The following MATN2 variants were observed in gnomAD, a reference collection of about 807,000 sequenced individuals.
MATN2 encodes matrilin 2, also known as matrilin-2.
A neutral mutation model predicts 103.2 loss-of-function variants in MATN2; 69 were observed. The ratio of observed to expected loss-of-function variants is 0.67; its 90% confidence interval spans 0.55 to 0.82. The LOEUF is 0.82. MATN2 is among the 40% of genes least tolerant of loss of function. The probability of loss-of-function intolerance (pLI) is 0.00; values close to 1 mark genes in which losing one functional copy is unlikely to be tolerated. For synonymous variants in MATN2, 429 were observed against 450.2 expected (o/e 0.95, Z 0.60); for missense variants, 1,023 against 1,211.5 (o/e 0.84, Z 2.31).
At position 98,033,108 on chromosome 8, in the gene MATN2, G is replaced by C; in HGVS notation, c.2648G>C (p.Arg883Thr). 1.9e-6 allele frequency: 3 copies of C among 1,611,696 alleles called. No individual in the cohort carries two copies. The highest frequency in any genetic ancestry group is 2.5e-6 in the Non-Finnish European group (3 of 1,178,820). The part of the protein sequence containing the change: ...LSCSNFAVQH[R>T]YLFEEDNLLR... ...TGTTCTAATTTTGCAGTGCAACACA[G>C]ATATCTGTTTGAAGAAGACAATCTT... The change falls in exon 17 of 19, where the codon AGA becomes ACA. Residue 883 changes from arginine to threonine, a missense_variant. Transcript: ENST00000254898.
chr8:97,965,522 G>A (rs974493581), intron 5 of MATN2, among the ~76,000 whole-genome samples: 11 of 152,134 alleles, frequency 7.2e-5, no homozygotes, highest in Admixed American at 2.0e-4. Flanking sequence ...TGTACATAAA[G>A]GGAACAAGGA....
At chr8:97,889,459 C>CTCTATATATATATATATA (rs1818554246) in intron 2 of MATN2, among the ~76,000 whole-genome samples, 1 of 123,366 alleles carries the variant, frequency 8.1e-6, no homozygotes, top group Non-Finnish European at 1.7e-5. Context: ...CTCTCTCTGT[C>CTCTATATATATATATATA]TATATATATA....
intron 6 of MATN2, among the ~76,000 whole-genome samples, chr8:97,986,665 C>A (rs1447798532): frequency 6.6e-6 from 1 of 152,168 alleles, no homozygotes; most frequent in Non-Finnish European, 1.5e-5. Flanking sequence ...ACTGTATTTT[C>A]TTTATCCACT....
intron 5 of MATN2, among the ~76,000 whole-genome samples, chr8:97,976,741 T>C (rs1303764534): frequency 6.7e-6 from 1 of 149,350 alleles, no homozygotes; most frequent in Non-Finnish European, 1.5e-5. Flanking sequence ...TCCAAAAACT[T>C]TTTTTTTTTT....
Position 97,931,042 on chromosome 8 carries a change from G to A in MATN2, c.232G>A (p.Glu78Lys). 6.2e-7 allele frequency: 1 copy of A among 1,614,016 alleles called. No individual in the cohort carries two copies. The highest frequency in any genetic ancestry group is 1.1e-5 in the South Asian group (1 of 91,080). The change falls in exon 3 of 19, where the codon GAG becomes AAG. Residue 78 changes from glutamate (E) to lysine (K), a missense_variant. Physicochemically the swap from Glu to Lys is moderately conservative, Grantham distance 56 (BLOSUM62 1). Transcript: ENST00000254898. The surrounding 1 kb of genome is among the most constrained non-coding windows in gnomAD (Gnocchi z 4.1). ...VNTHDYAKVK[E>K]FIVDILQFLD... Reference sequence around the variant, plus strand: ...CACCCATGACTATGCAAAGGTCAAGGAGTTCATCGTGGACATCTTGCAATT... The same window carrying A: ...CACCCATGACTATGCAAAGGTCAAGAAGTTCATCGTGGACATCTTGCAATT...
At chr8:97,878,121 A>G (rs916614862) in intron 1 of MATN2, among the ~76,000 whole-genome samples, 2 of 152,256 alleles carry the variant, frequency 1.3e-5, no homozygotes, top group African/African-American at 4.8e-5. Flanking sequence ...AGTTTTTTCT[A>G]AATTAACACA....
rs1011834555 is a variant in MATN2 at position 97,979,619 on chromosome 8, A to G, written c.1081+611A>G. On this transcript the variant is annotated intron_variant, in intron 6 of 18. Coordinates refer to ENST00000254898, the MANE Select transcript of MATN2 (RefSeq NM_002380.5). ...AATAACTAGTTACAAAAAGATTCCA[A>G]AAGTGTTCTATTAAATATAAAGGTA... Among the ~76,000 whole-genome samples, 5 of 152,360 alleles carry G rather than the reference A, an allele frequency of 3.3e-5. No individual in the cohort carries two copies. The East Asian group carries it at 7.7e-4, about 23-fold the overall frequency.
Position 97,884,556 on chromosome 8 carries a change from G to C in MATN2, c.-26-3519G>C, listed in dbSNP as rs191743958. Among the ~76,000 whole-genome samples the C allele has an allele frequency of 6.0e-4, 92 of 152,160 alleles. 2 individuals carry two copies. In the East Asian group the frequency reaches 0.013, roughly 21 times the overall value. ...TCCTAGCACTTTGGGAAGCTGAGGT[G>C]AGTGAGGAGTTCAAGACCAGCCTGG... On this transcript the variant is annotated intron_variant, in intron 1 of 18. Transcript: ENST00000254898.
At chr8:98,030,378 T>G in intron 14 of MATN2, 84 bp from the exon 15 acceptor site, 2 of 1,025,350 alleles carry the variant, frequency 2.0e-6, no homozygotes, top group Non-Finnish European at 2.9e-6. Context: ...AACATCTAAC[T>G]GGCTTTGGGT....
chr8:97,872,685 C>T (rs1817935383), intron 1 of MATN2, among the ~76,000 whole-genome samples: 1 of 152,106 alleles, frequency 6.6e-6, no homozygotes, highest in South Asian at 2.1e-4. Context: ...CATCTTCCAA[C>T]CCTTCTCCCC....
chr8:97,873,597 T>C (rs1817969479), intron 1 of MATN2, among the ~76,000 whole-genome samples: 1 of 152,058 alleles, frequency 6.6e-6, no homozygotes, highest in Non-Finnish European at 1.5e-5. Flanking sequence ...CCCAAAGTGC[T>C]GAGTTTACAG....
chr8:97,902,501 AAAAAAAAAAGAAT>A (rs1162747231), intron 2 of MATN2, among the ~76,000 whole-genome samples: 1 of 151,336 alleles, frequency 6.6e-6, no homozygotes, highest in African/African-American at 2.4e-5. Flanking sequence ...CCGTCTCAAA[AAAAAAAAAAGAAT>A]AAAAAAAAAG....
chr8:98,004,613 G>A (rs1408729097), intron 8 of MATN2, among the ~76,000 whole-genome samples: 3 of 152,194 alleles, frequency 2.0e-5, no homozygotes, highest in African/African-American at 7.2e-5. Flanking sequence ...TCCAATCAAG[G>A]GGAACTGTTC....
intron 2 of MATN2, among the ~76,000 whole-genome samples, chr8:97,898,249 A>T (rs542080350): frequency 6.6e-6 from 1 of 152,260 alleles, no homozygotes; most frequent in Admixed American, 6.5e-5. Context: ...CTTACCCCTA[A>T]GGAGCCAGTC....
chr8:97,892,296 C>T (rs1818658858), intron 2 of MATN2, among the ~76,000 whole-genome samples: 2 of 150,446 alleles, frequency 1.3e-5, no homozygotes, highest in Admixed American at 1.3e-4. Context: ...ACCTATAGTC[C>T]CAGCTAATTG....
In MATN2 at chr8:98,032,400, A is replaced by C; in HGVS notation, c.2581+83A>C. On this transcript the variant is annotated intron_variant, in intron 16 of 18. Transcript: ENST00000254898. ...TCCAGATAAAAGCTGTAAAGAAGTG[A>C]ATGTAAGTATGTTCAAATTATGATA... 9 of 1,028,818 alleles carry C rather than the reference A, an allele frequency of 8.7e-6. No individual in the cohort carries two copies. In the South Asian group the frequency reaches 1.0e-4, roughly 11 times the overall value. The allele number at this position is 1,028,818 out of a possible 1,614,324, so 63.7% of individuals were successfully genotyped here.
intron 12 of MATN2, 73 bp from the exon 13 acceptor site, chr8:98,021,132 C>CTTT: frequency 6.9e-7 from 1 of 1,441,338 alleles, no homozygotes; most frequent in Non-Finnish European, 9.6e-7. Flanking sequence ...TCCACAATCT[C>CTTT]TACTCACATG....
At chr8:97,927,454 A>G (rs1810024130) in intron 2 of MATN2, among the ~76,000 whole-genome samples, 3 of 151,876 alleles carry the variant, frequency 2.0e-5, no homozygotes, top group South Asian at 4.2e-4. Flanking sequence ...GCCACTGTGC[A>G]TTTGGCCTGG....
intron 5 of MATN2, among the ~76,000 whole-genome samples, chr8:97,964,984 T>G (rs2130269073): frequency 6.6e-6 from 1 of 152,318 alleles, no homozygotes; most frequent in East Asian, 1.9e-4. Context: ...TCTACCTGCC[T>G]CGGCCTCCTA....
Sources: gnomAD v4.1 joint callset for allele counts (sites outside exome capture counted in the v4.1 genomes callset) on GRCh38, gnomAD v4.1.1 for gene constraint, Gnocchi (gnomAD v3.1) non-coding constraint, MANE v1.5 for transcripts, NCBI Gene and HGNC (gene_info 2026-07-23, HGNC 2026-07-21) for gene names.